The following GRIK4 variants were observed in gnomAD, a reference collection of about 807,000 sequenced individuals.
The protein encoded by GRIK4 is glutamate ionotropic receptor kainate type subunit 4.
GRIK4 carries 40 observed loss-of-function variants against 104.9 expected under a neutral mutation model. The ratio of observed to expected loss-of-function variants is 0.38; its 90% CI spans 0.30 to 0.50. The LOEUF (loss-of-function observed/expected upper bound fraction) is 0.50, where lower values mean the gene tolerates loss of function less well. Ranked by LOEUF, GRIK4 falls within the 20% of genes least tolerant of loss-of-function variation. GRIK4 has a pLI of 0.93. For synonymous variants in GRIK4, 485 were observed against 524.9 expected (o/e 0.92, Z 1.04); for missense variants, 1,047 against 1,308.1 (o/e 0.80, Z 3.08).
At chr11:120,977,644 A>T (rs1020757147) in intron 19 of GRIK4, among the ~76,000 whole-genome samples, 2 of 152,232 alleles carry the variant, frequency 1.3e-5, no homozygotes, top group Non-Finnish European at 2.9e-5. Flanking sequence ...CCACTCAGCC[A>T]GGAATCAGGA....
intron 1 of GRIK4, among the ~76,000 whole-genome samples, chr11:120,579,732 T>G (rs1448823574): frequency 6.6e-6 from 1 of 152,186 alleles, no homozygotes; most frequent in East Asian, 1.9e-4. Flanking sequence ...GGTCCCGATC[T>G]GTACAGTTTC....
At chr11:120,759,292 A>T (rs1951704146) in intron 3 of GRIK4, among the ~76,000 whole-genome samples, 1 of 152,190 alleles carries the variant, frequency 6.6e-6, no homozygotes, top group Admixed American at 6.5e-5. Flanking sequence ...ATGCCAAGTA[A>T]ATGAATTGGC....
At position 120,729,303 on chromosome 11, in the gene GRIK4, T is replaced by C. The variant is rs146813601; in HGVS notation, c.82+68903T>C. Among the ~76,000 whole-genome samples the C allele has an allele frequency of 5.8e-3, 882 of 152,320 alleles. 13 individuals are homozygous for C. Among genetic ancestry groups the C allele is most frequent in the African/African-American group, 0.02 (824 of 41,574 alleles). On this transcript the variant is annotated intron_variant, in intron 3 of 20. Coordinates refer to ENST00000527524, the MANE Select transcript of GRIK4 (RefSeq NM_014619.5). ...AGCAGTGGATTCCTGGATTGTATGG[T>C]AACTCTATTTTTAGTTTTTGAGGAA...
chr11:120,646,572 G>A (rs1229764739), intron 1 of GRIK4, among the ~76,000 whole-genome samples: 1 of 152,064 alleles, frequency 6.6e-6, no homozygotes, highest in Non-Finnish European at 1.5e-5. Context: ...AAGATGAATA[G>A]GATTAAAACA....
intron 3 of GRIK4, among the ~76,000 whole-genome samples, chr11:120,751,942 G>A (rs575406758): frequency 6.6e-6 from 1 of 152,282 alleles, no homozygotes; most frequent in East Asian, 1.9e-4. Context: ...CCAGCTTGCG[G>A]CTGGGGGGTG....
At position 120,987,385 on chromosome 11, in the gene GRIK4, C is replaced by T. The variant is rs1174702778; in HGVS notation, c.*1125C>T. On this transcript the variant is annotated 3_prime_UTR_variant, in exon 21 of 21. Transcript: ENST00000527524. ...AGTGGCTGCCTATGAAGCCAGACCC[C>T]CAAGACTATCATGGATTGGGTGGTT... 3 of 152,248 alleles carry T rather than the reference C, an allele frequency of 2.0e-5. No individual in the cohort carries two copies. Among genetic ancestry groups the T allele is most frequent in the Admixed American group, 2.0e-4 (3 of 15,290 alleles). The allele number at this position is 152,248 out of a possible 1,614,324, so 9.4% of individuals were successfully genotyped here.
chr11:120,691,071 G>A (rs1246019911), intron 3 of GRIK4, among the ~76,000 whole-genome samples: 1 of 152,182 alleles, frequency 6.6e-6, no homozygotes, highest in Admixed American at 6.5e-5. Flanking sequence ...TGTGTTTCAA[G>A]AATGGTCTGA....
intron 1 of GRIK4, among the ~76,000 whole-genome samples, chr11:120,648,301 A>C (rs1210842529): frequency 6.6e-6 from 1 of 152,142 alleles, no homozygotes; most frequent in African/African-American, 2.4e-5. Flanking sequence ...TCTTCTGTAA[A>C]CTGTGTCAAA....
intron 8 of GRIK4, among the ~76,000 whole-genome samples, chr11:120,860,276 A>T (rs1343301723): frequency 3.3e-5 from 5 of 151,668 alleles, no homozygotes; most frequent in Admixed American, 6.6e-5. Flanking sequence ...TCTTTCCGGG[A>T]GCGGGGATCA....
Position 120,674,949 on chromosome 11 carries a change from G to T in GRIK4, c.82+14549G>T, listed in dbSNP as rs576937240. Among the ~76,000 whole-genome samples the T allele has an allele frequency of 2.6e-5, 4 of 152,332 alleles. No individual in the cohort carries two copies. The South Asian group carries it at 8.3e-4, about 32-fold the overall frequency. On this transcript the variant is annotated intron_variant, in intron 3 of 20. Transcript: ENST00000527524. ...GAACTTTCCAGAGGCCACAGTTAAG[G>T]AATTTTCCTTGCACCTCCTGGAGCT...
intron 3 of GRIK4, among the ~76,000 whole-genome samples, chr11:120,763,161 G>A (rs1015634010): frequency 6.6e-6 from 1 of 152,068 alleles, no homozygotes; most frequent in African/African-American, 2.4e-5. Context: ...CTTCTTCCTG[G>A]TTTAGTCTTG....
chr11:120,905,473 G>C lies in GRIK4; in HGVS notation c.1456G>C (p.Val486Leu). The C allele has an allele frequency of 6.2e-7, 1 of 1,608,238 alleles. No homozygotes were observed. Among genetic ancestry groups the C allele is most frequent in the Non-Finnish European group, 8.5e-7 (1 of 1,176,762 alleles). The part of the protein sequence containing the change: ...PEANGTWTGM[V>L]GELIARKADL... ...GGCCAACGGCACCTGGACGGGAATGGTCGGGGAGCTGATCGCTAGGGTAAG... is the reference window on the plus strand; with the variant it reads ...GGCCAACGGCACCTGGACGGGAATGCTCGGGGAGCTGATCGCTAGGGTAAG... Residue 486 changes from valine to leucine, a missense_variant, in exon 13 of 21, where the codon GTC (valine) becomes CTC (leucine). Val to Leu is a conservative substitution (Grantham distance 32). Coordinates refer to ENST00000527524, the MANE Select transcript of GRIK4 (RefSeq NM_014619.5). This position sits in a 1 kb window ranked among gnomAD's most constrained non-coding sequence, Gnocchi z 5.1.
At chr11:120,895,917 C>T (rs1252215426) in intron 11 of GRIK4, among the ~76,000 whole-genome samples, 2 of 152,200 alleles carry the variant, frequency 1.3e-5, no homozygotes, top group African/African-American at 4.8e-5. Flanking sequence ...GAAGGGGAAT[C>T]TCAGGCCATA....
At chr11:120,736,449 A>ACGCACTG (rs5795242) in intron 3 of GRIK4, among the ~76,000 whole-genome samples, 98,619 of 151,528 alleles carry the variant, frequency 0.65, 32,582 homozygotes, top group South Asian at 0.73. Context: ...TACCTAGGTC[A>ACGCACTG]CTCCAGTCCA....
rs1382859825 is a variant in GRIK4 at position 120,696,186 on chromosome 11, T to G, written c.82+35786T>G. ...AAGGAGAAAGCAGCCCTGTAGATGC[T>G]GCAGGCTAATTAACCCTGGGAGTGC... On this transcript the variant is annotated intron_variant, in intron 3 of 20. Coordinates refer to ENST00000527524, the MANE Select transcript of GRIK4 (RefSeq NM_014619.5). Among the ~76,000 whole-genome samples the G allele has an allele frequency of 2.0e-5, 3 of 152,202 alleles. 1 individual carries two copies. Among genetic ancestry groups the G allele is most frequent in the South Asian group, 4.1e-4 (2 of 4,838 alleles).
chr11:120,736,145 C>T (rs1240280467), intron 3 of GRIK4, among the ~76,000 whole-genome samples: 1 of 152,088 alleles, frequency 6.6e-6, no homozygotes, highest in Non-Finnish European at 1.5e-5. Flanking sequence ...CTTTAGTCAG[C>T]AGGTGATGAG....
At chr11:120,763,706 GTAGTCAT>G (rs1472340403) in intron 3 of GRIK4, among the ~76,000 whole-genome samples, 1 of 152,162 alleles carries the variant, frequency 6.6e-6, no homozygotes, top group Non-Finnish European at 1.5e-5. Context: ...TATTTACCCA[GTAGTCAT>G]TCAGGAGCAG....
chr11:120,982,550 C>T (rs645156), intron 20 of GRIK4, among the ~76,000 whole-genome samples: 35,304 of 151,896 alleles, frequency 0.23, 4,292 homozygotes, highest in African/African-American at 0.3. Flanking sequence ...CCGACTCATG[C>T]GAACCCAAGA....
chr11:120,590,232 G>A (rs1376202999), intron 1 of GRIK4, among the ~76,000 whole-genome samples: 1 of 152,064 alleles, frequency 6.6e-6, no homozygotes, highest in Non-Finnish European at 1.5e-5. Flanking sequence ...CCTTCACCTT[G>A]ACCTTACACC....
Sources: allele counts gnomAD v4.1 joint callset (sites outside exome capture counted in the v4.1 genomes callset), GRCh38; gene constraint gnomAD v4.1.1; non-coding constraint Gnocchi (gnomAD v3.1); transcripts MANE v1.5; gene names NCBI Gene and HGNC (gene_info 2026-07-23, HGNC 2026-07-21).